HTR1E: variants seen among roughly 807,000 people sequenced by gnomAD.
HTR1E encodes 5-HT-1E.
Under a neutral mutation model 3.4 loss-of-function variants are expected in HTR1E, and 3 were observed. The observed-to-expected ratio is 0.89, with a 90% CI of 0.41 to 2.31. The LOEUF (loss-of-function observed/expected upper bound fraction) is 2.31, where lower values mean the gene tolerates loss of function less well. Among genes scored for constraint, HTR1E ranks in the 30% most tolerant of loss-of-function variants. HTR1E has a pLI of 0.05. For missense variants in HTR1E, 392 were observed against 467.0 expected, an observed-to-expected ratio of 0.84 and a Z score of 1.48; for synonymous variants, 170 against 182.8, an observed-to-expected ratio of 0.93 and a Z score of 0.56.
intron 1 of HTR1E, among the ~76,000 whole-genome samples, chr6:87,005,039 A>G (rs1019101055): frequency 6.6e-6 from 1 of 152,166 alleles, no homozygotes; most frequent in Non-Finnish European, 1.5e-5. Context: ...CCAAAGAAAT[A>G]AAAGATCTCT....
At chr6:87,012,721 T>G (rs988699019) in intron 1 of HTR1E, among the ~76,000 whole-genome samples, 1 of 152,232 alleles carries the variant, frequency 6.6e-6, no homozygotes, top group African/African-American at 2.4e-5. Context: ...GTACTTACTA[T>G]GTATTAGGCG....
intron 1 of HTR1E, among the ~76,000 whole-genome samples, chr6:86,939,341 CTCACCACTA>C (rs1460351606): frequency 6.6e-6 from 1 of 152,150 alleles, no homozygotes; most frequent in Admixed American, 6.5e-5. Context: ...TGCATAGCAC[CTCACCACTA>C]ACTATTTTGC....
intron 1 of HTR1E, among the ~76,000 whole-genome samples, chr6:87,006,450 AAT>A (rs1768108988): frequency 6.6e-6 from 1 of 152,222 alleles, no homozygotes; most frequent in Non-Finnish European, 1.5e-5. Flanking sequence ...GATGTGGAGA[AAT>A]AGGAATGCTT....
intron 1 of HTR1E, among the ~76,000 whole-genome samples, chr6:86,978,419 A>G (rs1767668128): frequency 6.6e-6 from 1 of 152,156 alleles, no homozygotes; most frequent in Non-Finnish European, 1.5e-5. Context: ...ACGTTACATC[A>G]GATTCTCCTG....
chr6:87,005,507 A>G (rs146289679), intron 1 of HTR1E, among the ~76,000 whole-genome samples: 312 of 152,322 alleles, frequency 2.0e-3, no homozygotes, highest in Admixed American at 5.0e-3. Flanking sequence ...ATCTTCAATA[A>G]ATGCTGCCGG....
chr6:86,978,215 G>T (rs1215450199), intron 1 of HTR1E, among the ~76,000 whole-genome samples: 1 of 152,050 alleles, frequency 6.6e-6, no homozygotes, highest in Non-Finnish European at 1.5e-5. Flanking sequence ...ATTTTAGTTT[G>T]TACATTATTT....
chr6:86,986,810 T>G (rs887674462), intron 1 of HTR1E, among the ~76,000 whole-genome samples: 1 of 152,146 alleles, frequency 6.6e-6, no homozygotes, highest in Admixed American at 6.5e-5. Context: ...ATAGTGAAAT[T>G]TGATTAACCC....
chr6:87,001,747 C>A (rs1768026946), intron 1 of HTR1E, among the ~76,000 whole-genome samples: 1 of 152,004 alleles, frequency 6.6e-6, no homozygotes, highest in South Asian at 2.1e-4. Context: ...TTGTGAGAGG[C>A]CTGAAGGTCA....
chr6:86,948,005 G>GT (rs1293299727), intron 1 of HTR1E, among the ~76,000 whole-genome samples: 1 of 152,122 alleles, frequency 6.6e-6, no homozygotes, highest in Admixed American at 6.5e-5. Context: ...CATGCGTTAG[G>GT]TATTTGTCCT....
At chr6:86,945,087 C>T (rs1768596812) in intron 1 of HTR1E, among the ~76,000 whole-genome samples, 1 of 151,838 alleles carries the variant, frequency 6.6e-6, no homozygotes, top group Admixed American at 6.6e-5. Flanking sequence ...GAAGGTATCC[C>T]AGAAAACAGC....
intron 1 of HTR1E, among the ~76,000 whole-genome samples, chr6:86,997,402 A>G (rs1305072199): frequency 2.6e-5 from 4 of 151,880 alleles, no homozygotes; most frequent in African/African-American, 9.6e-5. Context: ...AGAAATAAAA[A>G]TGTTCATATT....
At chr6:86,969,708 G>A (rs145678932) in intron 1 of HTR1E, among the ~76,000 whole-genome samples, 71 of 152,182 alleles carry the variant, frequency 4.7e-4, no homozygotes, top group African/African-American at 1.6e-3. Context: ...CTAAGCCCAC[G>A]TGCTTCTGAT....
chr6:86,969,339 C>G (rs775328674), intron 1 of HTR1E, among the ~76,000 whole-genome samples: 1 of 152,092 alleles, frequency 6.6e-6, no homozygotes, highest in Admixed American at 6.6e-5. Context: ...AAAACAAATA[C>G]TTTCATGATA....
chr6:87,005,818 A>C (rs1019482494), intron 1 of HTR1E, among the ~76,000 whole-genome samples: 2 of 152,224 alleles, frequency 1.3e-5, no homozygotes, highest in Non-Finnish European at 2.9e-5. Context: ...ATGGGTGAAA[A>C]TATTTGCAAA....
Position 86,993,455 on chromosome 6 carries a change from G to A in HTR1E, c.-185-21695G>A, listed in dbSNP as rs913708163. Among the ~76,000 whole-genome samples, 9 of 151,858 alleles carry A rather than the reference G, an allele frequency of 5.9e-5. No individual in the cohort carries two copies. In the South Asian group the frequency reaches 6.3e-4, roughly 11 times the overall value. On this transcript the variant is annotated intron_variant, in intron 1 of 1. Transcript: ENST00000305344. ...CAGGCTGCAGAATGAGAGGAAAAAC[G>A]ATGTTTGCTCTTCACAGAGCAAGTG... is the stretch of plus-strand genomic sequence containing the variant.
chr6:86,942,495 T>C (rs765379121), intron 1 of HTR1E, among the ~76,000 whole-genome samples: 33 of 152,338 alleles, frequency 2.2e-4, no homozygotes, highest in Non-Finnish European at 4.3e-4. Context: ...TAATTTAACA[T>C]TCAAAGAAAG....
chr6:87,009,603 G>A (rs1159854460), intron 1 of HTR1E, among the ~76,000 whole-genome samples: 6 of 148,462 alleles, frequency 4.0e-5, no homozygotes, highest in East Asian at 2.2e-4. Flanking sequence ...GGTGGTGGCC[G>A]GGCAGAGGGG....
Position 86,995,333 on chromosome 6 carries a change from C to T in HTR1E, c.-185-19817C>T, listed in dbSNP as rs181725851. 5.7e-4 allele frequency among the ~76,000 whole-genome samples: 76 copies of T among 134,250 alleles called. No individual in the cohort carries two copies. In the East Asian group the frequency reaches 0.016, roughly 28 times the overall value. 88.1% of individuals were successfully genotyped at this position (134,250 alleles called of 152,430 possible). On this transcript the variant is annotated intron_variant, in intron 1 of 1. Coordinates refer to ENST00000305344, the MANE Select transcript of HTR1E (RefSeq NM_000865.3). ...AAATAAATAAATAAATAAAGGTCTA[C>T]ATACGAATGAAAGACAAAGATTGGA...
At chr6:86,972,570 T>C (rs1407288963) in intron 1 of HTR1E, among the ~76,000 whole-genome samples, 1 of 152,186 alleles carries the variant, frequency 6.6e-6, no homozygotes, top group African/African-American at 2.4e-5. Flanking sequence ...AAACGATATA[T>C]GTCATTGCAG....
Sources: allele counts gnomAD v4.1 joint callset (sites outside exome capture counted in the v4.1 genomes callset), GRCh38; gene constraint gnomAD v4.1.1; transcripts MANE v1.5; gene names NCBI Gene and HGNC (gene_info 2026-07-23, HGNC 2026-07-21).